Variants in PCDHGA9 observed in about 807,000 individuals in gnomAD.
PCDHGA9 encodes protocadherin gamma-A9.
Under a neutral mutation model 62.5 loss-of-function variants are expected in PCDHGA9, and 37 were observed. The ratio of observed to expected loss-of-function variants is 0.59; its 90% CI spans 0.46 to 0.78. The LOEUF (loss-of-function observed/expected upper bound fraction) is 0.78. Ranked by LOEUF, PCDHGA9 falls within the 30% of genes least tolerant of loss-of-function variation. The pLI, the probability that PCDHGA9 is intolerant of heterozygous loss-of-function variation, is 0.00. For missense variants in PCDHGA9, 1,138 were observed against 1,166.2 expected (o/e 0.98, Z 0.35); for synonymous variants, 459 against 484.6 (o/e 0.95, Z 0.69).
chr5:141,502,864 G>T (rs1595824348), intron 2 of PCDHGA9, among the ~76,000 whole-genome samples: 4 of 61,548 alleles, frequency 6.5e-5, no homozygotes, highest in African/African-American at 2.4e-4. Flanking sequence ...CTGACTCTCT[G>T]TCTTTTTTTT....
intron 2 of PCDHGA9, among the ~76,000 whole-genome samples, chr5:141,500,815 A>G (rs2099802742): frequency 6.6e-6 from 1 of 152,196 alleles, no homozygotes; most frequent in African/African-American, 2.4e-5. Context: ...ATGAATATAC[A>G]TATTATTTTT....
rs2099883943 is a variant in PCDHGA9, at chr5:141,511,766, G to A, written c.*593G>A. ...TGGAGGACATGATCACCATCCCCAT[G>A]GTACTGATGCTTGCTGGATTTAGGG... On this transcript the variant is annotated 3_prime_UTR_variant, in exon 4 of 4. Coordinates refer to ENST00000573521, the MANE Select transcript of PCDHGA9 (RefSeq NM_018921.3). 2 of 161,712 alleles carry A rather than the reference G, an allele frequency of 1.2e-5. No homozygotes were observed. Among genetic ancestry groups the A allele is most frequent in the Non-Finnish European group, 2.8e-5 (2 of 72,704 alleles). The allele number at this position is 161,712 out of a possible 1,614,324, so 10.0% of individuals were successfully genotyped here.
intron 1 of PCDHGA9, among the ~76,000 whole-genome samples, chr5:141,474,234 T>C (rs1458919904): frequency 6.6e-6 from 1 of 152,204 alleles, no homozygotes; most frequent in Non-Finnish European, 1.5e-5. Flanking sequence ...TAAGTGATGC[T>C]GAATAGGGGA....
intron 1 of PCDHGA9, chr5:141,422,335 C>T (rs1196951059): frequency 6.5e-7 from 1 of 1,549,804 alleles, no homozygotes; most frequent in Non-Finnish European, 8.7e-7. Flanking sequence ...GATTGCTCTT[C>T]TAAATGTGCA....
chr5:141,491,312 C>T lies in PCDHGA9; in HGVS notation c.2425-3495C>T, dbSNP rs749198887. The stretch of plus-strand genomic sequence containing the variant: ...CACCCTCCTGAGCGTTCAGACCTTA[C>T]CCTTTACCTCATTGTGGCTCTAGCG... On this transcript the variant is annotated intron_variant, in intron 1 of 3. Transcript: ENST00000573521. The surrounding 1 kb of genome is among the most constrained non-coding windows in gnomAD (Gnocchi z 6.9). 3 of 1,614,170 alleles carry T rather than the reference C, an allele frequency of 1.9e-6. No individual in the cohort carries two copies. Among genetic ancestry groups the T allele is most frequent in the East Asian group, 4.5e-5 (2 of 44,878 alleles).
At chr5:141,428,174 G>A (rs962782246) in intron 1 of PCDHGA9, 3 of 1,515,246 alleles carry the variant, frequency 2.0e-6, no homozygotes, top group Non-Finnish European at 2.7e-6. Context: ...TGTGCGTGAC[G>A]GAGGACAGCC....
chr5:141,434,026 A>G (rs2154556044), intron 1 of PCDHGA9, among the ~76,000 whole-genome samples: 1 of 152,236 alleles, frequency 6.6e-6, no homozygotes, highest in Admixed American at 6.5e-5. Flanking sequence ...TGATTCTGGA[A>G]GCATGGTTTT....
At chr5:141,414,042 T>A (rs758538745) in intron 1 of PCDHGA9, 1 of 1,611,324 alleles carries the variant, frequency 6.2e-7, no homozygotes, top group South Asian at 1.1e-5. Flanking sequence ...GAAAATTACC[T>A]GACACGCAAT....
Position 141,491,902 on chromosome 5 carries a change from G to C in PCDHGA9, c.2425-2905G>C. On this transcript the variant is annotated intron_variant, in intron 1 of 3. Transcript: ENST00000573521. This position sits in a 1 kb window ranked among gnomAD's most constrained non-coding sequence, Gnocchi z 6.9. ...AGGGATGGGGCTCCGAGCACCGGGG[G>C]TGGTGGCGACTGTGGGCGAGGGGAG... 7.0e-7 allele frequency: 1 copy of C among 1,429,002 alleles called. No individual in the cohort carries two copies. Among genetic ancestry groups the C allele is most frequent in the Non-Finnish European group, 9.3e-7 (1 of 1,079,426 alleles). The allele number at this position is 1,429,002 out of a possible 1,614,324, so 88.5% of individuals were successfully genotyped here. A position where few individuals can be genotyped will look rare whatever the true frequency, so the allele number is the denominator to read the frequency against.
rs374013287 is a variant in PCDHGA9 at position 141,403,981 on chromosome 5, T to C, written c.1029T>C (p.Asn343=). 1.4e-5 allele frequency: 23 copies of C among 1,613,600 alleles called. No homozygotes were observed. Among genetic ancestry groups the C allele is most frequent in the Admixed American group, 1.2e-4 (7 of 59,986 alleles). Residue 343 remains asparagine, a synonymous_variant, in exon 1 of 4, where the codon AAT becomes AAC. Coordinates refer to ENST00000573521, the MANE Select transcript of PCDHGA9 (RefSeq NM_018921.3). ...TTTCGGTGGAAGATGTAAATGACAA[T>C]AGACCTGAAGTGACCATTACATCTC... ...VLISVEDVND[N]RPEVTITSLF...
Position 141,431,581 on chromosome 5 carries a change from T to C in PCDHGA9, c.2424+26205T>C. The C allele has an allele frequency of 1.2e-6, 2 of 1,614,160 alleles. No individual in the cohort carries two copies. Among genetic ancestry groups the C allele is most frequent in the Non-Finnish European group, 1.7e-6 (2 of 1,180,022 alleles). ...CTACCGACCCTGACGAAGGAGTCAA[T>C]GCGGAAGTGAGGTATTCCTTCCGGT... On this transcript the variant is annotated intron_variant, in intron 1 of 3. Transcript: ENST00000573521. This position sits in a 1 kb window ranked among gnomAD's most constrained non-coding sequence, Gnocchi z 4.8.
At position 141,490,516 on chromosome 5, in the gene PCDHGA9, G is replaced by T. The variant is rs768123119; in HGVS notation, c.2425-4291G>T. The T allele has an allele frequency of 6.2e-7, 1 of 1,613,828 alleles. No individual in the cohort carries two copies. The highest frequency in any genetic ancestry group is 2.2e-5 in the East Asian group (1 of 44,864). On this transcript the variant is annotated intron_variant, in intron 1 of 3. Transcript: ENST00000573521. This position sits in a 1 kb window ranked among gnomAD's most constrained non-coding sequence, Gnocchi z 5.4. ...ATCCCACTATATCATCGAGCTGCTG[G>T]CCAGCGATGCTGGTTCACCTTCCCT... is the stretch of plus-strand genomic sequence containing the variant.
intron 1 of PCDHGA9, chr5:141,427,617 G>C (rs1295636754): frequency 1.4e-6 from 1 of 694,694 alleles, no homozygotes. Context: ...TGAAGTCAAC[G>C]ACAATGCTCC....
At chr5:141,407,505 T>TTTTTTTTTTTTTTTTTTTTTGAG (rs1460306566) in intron 1 of PCDHGA9, among the ~76,000 whole-genome samples, 2 of 152,146 alleles carry the variant, frequency 1.3e-5, no homozygotes, top group African/African-American at 4.8e-5. Context: ...CTGTTTTTCT[T>TTTTTTTTTTTTTTTTTTTTTGAG]AGGCTATGTA....
chr5:141,422,409 A>G, intron 1 of PCDHGA9: 1 of 1,601,728 alleles, frequency 6.2e-7, no homozygotes. Flanking sequence ...TGCCTTTTAA[A>G]TTAGAAAAGA....
At chr5:141,502,035 G>C (rs1371892057) in intron 2 of PCDHGA9, among the ~76,000 whole-genome samples, 1 of 152,078 alleles carries the variant, frequency 6.6e-6, no homozygotes, top group Non-Finnish European at 1.5e-5. Context: ...CCCGCCGCTT[G>C]CCTGCTCTCC....
At position 141,486,209 on chromosome 5, in the gene PCDHGA9, A is replaced by C. The variant is rs749965379; in HGVS notation, c.2425-8598A>C. On this transcript the variant is annotated intron_variant, in intron 1 of 3. Transcript: ENST00000573521. The surrounding 1 kb of genome is among the most constrained non-coding windows in gnomAD (Gnocchi z 5.0). ...AGTGGATCTGCTGGACGTAAATGAC[A>C]ATGCCCCTTACATCACAGTGACCTC... 1 of 1,614,080 alleles carries C rather than the reference A, an allele frequency of 6.2e-7. No homozygotes were observed. Among genetic ancestry groups the C allele is most frequent in the South Asian group, 1.1e-5 (1 of 91,078 alleles).
intron 1 of PCDHGA9, among the ~76,000 whole-genome samples, chr5:141,406,639 A>G (rs1301755864): frequency 6.6e-6 from 1 of 152,208 alleles, no homozygotes; most frequent in Non-Finnish European, 1.5e-5. Flanking sequence ...AAAGGTCTTA[A>G]TTTCCTAATG....
chr5:141,487,069 T>C lies in PCDHGA9; in HGVS notation c.2425-7738T>C, dbSNP rs750739955. 26 of 1,614,160 alleles carry C rather than the reference T, an allele frequency of 1.6e-5. No homozygotes were observed. Among genetic ancestry groups the C allele is most frequent in the Non-Finnish European group, 2.0e-5 (24 of 1,180,002 alleles). On this transcript the variant is annotated intron_variant, in intron 1 of 3. Transcript: ENST00000573521. This position sits in a 1 kb window ranked among gnomAD's most constrained non-coding sequence, Gnocchi z 5.0. The stretch of plus-strand genomic sequence containing the variant: ...ATGCTGGGGAGGTGCGGACGGCTGT[T>C]CCTATCCCAGCTGACCTCCCACCAC...
Sources: gnomAD v4.1 joint callset for allele counts (sites outside exome capture counted in the v4.1 genomes callset) on GRCh38, gnomAD v4.1.1 for gene constraint, Gnocchi (gnomAD v3.1) non-coding constraint, MANE v1.5 for transcripts, NCBI Gene and HGNC (gene_info 2026-07-23, HGNC 2026-07-21) for gene names.